The following LAMB1 variants were observed in gnomAD, a reference collection of about 807,000 sequenced individuals.
The protein encoded by LAMB1 is laminin subunit beta-1.
Under a neutral mutation model 222.3 loss-of-function variants are expected in LAMB1, and 121 were observed. The observed-to-expected ratio is 0.54, with a 90% CI of 0.47 to 0.63. The LOEUF is 0.63. Ranked by LOEUF, LAMB1 falls within the 30% of genes least tolerant of loss-of-function variation. The pLI is 0.00. For synonymous variants in LAMB1, 794 were observed against 807.2 expected (o/e 0.98, Z 0.28); for missense variants, 2,172 against 2,240.8 (o/e 0.97, Z 0.62).
Position 108,001,738 on chromosome 7 carries a change from G to C in LAMB1, c.38-5C>G. 6.2e-7 allele frequency: 1 copy of C among 1,612,346 alleles called. No homozygotes were observed. The highest frequency in any genetic ancestry group is 8.5e-7 in the Non-Finnish European group (1 of 1,179,602). ...GCACTCGGGCTCTGCACAGGGCTGC[G>C]GGAAGGACAGGCAACAGAGTTGGGG... On this transcript the variant is annotated splice_polypyrimidine_tract_variant and splice_region_variant and intron_variant, in intron 2 of 33. Coordinates refer to ENST00000222399, the MANE Select transcript of LAMB1 (RefSeq NM_002291.3).
At chr7:107,942,721 A>G (rs529430370) in intron 24 of LAMB1, 1 of 152,350 alleles carries the variant, frequency 6.6e-6, no homozygotes, top group South Asian at 2.1e-4. Flanking sequence ...CATTCAATAA[A>G]TAAATTGTTT....
chr7:107,961,619 T>C lies in LAMB1; in HGVS notation c.1915A>G (p.Thr639Ala), dbSNP rs200875581. The C allele has an allele frequency of 3.2e-5, 52 of 1,614,030 alleles. No homozygotes were observed. Among genetic ancestry groups the C allele is most frequent in the Non-Finnish European group, 3.9e-5 (46 of 1,179,994 alleles). Residue 639 changes from threonine (T) to alanine (A), a missense_variant, in exon 16 of 34, where the codon ACC (threonine) becomes GCC (alanine). By Grantham distance (58) the Thr-to-Ala change is moderately conservative. Coordinates refer to ENST00000222399, the MANE Select transcript of LAMB1 (RefSeq NM_002291.3). ...ITVQRPGRIP[T>A]SSRCGNTIPD... ...ATGGTATTACCACATCGGCTGCTGG[T>C]TGGAATCCTTCCAGGTCGCTGCACT... is the stretch of plus-strand genomic sequence containing the variant.
At chr7:107,997,716 GTGAAACTCATC>G (rs1199096091) in intron 4 of LAMB1, among the ~76,000 whole-genome samples, 2 of 152,136 alleles carry the variant, frequency 1.3e-5, no homozygotes, top group African/African-American at 4.8e-5. Context: ...TGAAACAAAT[GTGAAACTCATC>G]TGGGCTTCAT....
chr7:107,925,487 T>C (rs1016343983), intron 32 of LAMB1, among the ~76,000 whole-genome samples: 20 of 151,874 alleles, frequency 1.3e-4, no homozygotes, highest in African/African-American at 4.1e-4. Context: ...TCTGGAAAAA[T>C]TGTCTTCCAG....
Position 107,998,505 on chromosome 7 carries a change from T to C in LAMB1, c.214-13A>G, listed in dbSNP as rs1363656539. 5 of 1,612,040 alleles carry C rather than the reference T, an allele frequency of 3.1e-6. No homozygotes were observed. The highest frequency in any genetic ancestry group is 2.7e-5 in the African/African-American group (2 of 74,902). The stretch of plus-strand genomic sequence containing the variant: ...ATTTTTTGTCCTCCTACAAACAAAG[T>C]TGAGTTCATCAGTCTAGAAAGCAAT... On this transcript the variant is annotated splice_polypyrimidine_tract_variant and intron_variant, in intron 3 of 33. Coordinates refer to ENST00000222399, the MANE Select transcript of LAMB1 (RefSeq NM_002291.3).
At position 107,983,741 on chromosome 7, in the gene LAMB1, C is replaced by T. The variant is rs535527533; in HGVS notation, c.676+2281G>A. On this transcript the variant is annotated intron_variant, in intron 7 of 33. Transcript: ENST00000222399. ...CCATGTTGGTCAGGATGGTCTCAAA[C>T]TCCTGACCTCGTGATCCACCCGCCT... Among the ~76,000 whole-genome samples, 8 of 152,078 alleles carry T rather than the reference C, an allele frequency of 5.3e-5. No homozygotes were observed. In the South Asian group the frequency reaches 1.7e-3, roughly 32 times the overall value.
chr7:107,989,214 C>T (rs3893568), intron 5 of LAMB1, among the ~76,000 whole-genome samples: 18,853 of 152,110 alleles, frequency 0.12, 1,201 homozygotes, highest in Admixed American at 0.17. Flanking sequence ...GCAGAAAGAG[C>T]GCTGAAAAAT....
Position 107,959,757 on chromosome 7 carries a change from C to T in LAMB1, c.2392G>A (p.Val798Met), listed in dbSNP as rs376461562. The T allele has an allele frequency of 2.6e-5, 42 of 1,614,102 alleles. No homozygotes were observed. The highest frequency in any genetic ancestry group is 4.0e-5 in the African/African-American group (3 of 74,944). The change falls in exon 19 of 34, where the codon GTG becomes ATG. Residue 798 changes from valine (V) to methionine (M), a missense_variant. Physicochemically the swap from Val to Met is conservative, Grantham distance 21. Transcript: ENST00000222399. ...NGGQCQCRPN[V>M]VGRTCNRCAP... Reference sequence around the variant, plus strand: ...CATCTGTTGCAGGTTCTTCCAACCACGTTGGGCCGGCACTGGCACTGGCCT... The same window carrying T: ...CATCTGTTGCAGGTTCTTCCAACCATGTTGGGCCGGCACTGGCACTGGCCT...
Position 107,940,270 on chromosome 7 carries a change from T to C in LAMB1, c.3480A>G (p.Pro1160=), listed in dbSNP as rs139974144. ...ACCCTCGCGTGCACTTGTCACAGCG[T>C]GGACCCTCAACACCCTCAACGCAGA... ...QCVCVEGVEG[P]RCDKCTRGYS... Residue 1160 remains proline, a synonymous_variant, in exon 25 of 34, where the codon CCA becomes CCG. Transcript: ENST00000222399. The C allele has an allele frequency of 3.7e-6, 6 of 1,614,054 alleles. No individual in the cohort carries two copies. In the African/African-American group the frequency reaches 8.0e-5, roughly 22 times the overall value.
At chr7:107,998,569 G>A in intron 3 of LAMB1, 77 bp from the exon 4 acceptor site, 1 of 1,289,772 alleles carries the variant, frequency 7.8e-7, no homozygotes, top group Non-Finnish European at 1.1e-6. Context: ...ACCCCATGAA[G>A]CTCCTAATAC....
rs906425682 is a variant in LAMB1, at chr7:107,989,251, T to C, written c.424-2888A>G. ...GGCAAACAGGCAAAGGTTTTGACAC[T>C]AACCAACACAGTGATGCATTTTGGG... On this transcript the variant is annotated intron_variant, in intron 5 of 33. Transcript: ENST00000222399. 2.0e-5 allele frequency among the ~76,000 whole-genome samples: 3 copies of C among 152,208 alleles called. No individual in the cohort carries two copies. In the East Asian group the frequency reaches 5.8e-4, roughly 29 times the overall value.
chr7:108,002,390 G>A (rs1361549121), intron 2 of LAMB1: 10 of 1,316,080 alleles, frequency 7.6e-6, no homozygotes, highest in Non-Finnish European at 1.0e-5. Flanking sequence ...TGTTTCTGGT[G>A]CCATCCGGAG....
intron 8 of LAMB1, among the ~76,000 whole-genome samples, chr7:107,980,273 G>A (rs563016369): frequency 2.0e-5 from 3 of 151,876 alleles, no homozygotes; most frequent in Non-Finnish European, 4.4e-5. Flanking sequence ...GCATAACTGC[G>A]GTTTTTAATC....
chr7:107,964,405 C>T, intron 14 of LAMB1, 147 bp downstream of exon 14: 1 of 929,552 alleles, frequency 1.1e-6, no homozygotes, highest in Non-Finnish European at 1.7e-6. Flanking sequence ...TATGACTCTT[C>T]TCAGGAAGGC....
chr7:107,995,944 A>AG (rs2034273392), intron 4 of LAMB1, among the ~76,000 whole-genome samples: 1 of 151,390 alleles, frequency 6.6e-6, no homozygotes, highest in Non-Finnish European at 1.5e-5. Context: ...AAGTCAATTG[A>AG]GGGGGCGGGG....
Position 107,929,148 on chromosome 7 carries a change from T to C in LAMB1, c.4803A>G (p.Glu1601=), listed in dbSNP as rs751242705. The stretch of plus-strand genomic sequence containing the variant: ...CTGCTGCGACCTGGGCCTTTTCTGC[T>C]TCTTCCAGAGCTTCCTTTACCATAT... The part of the protein sequence containing the change: ...TADMVKEALE[E]AEKAQVAAEK... The change falls in exon 31 of 34, where the codon GAA becomes GAG. Residue 1601 remains glutamate, a synonymous_variant. Coordinates refer to ENST00000222399, the MANE Select transcript of LAMB1 (RefSeq NM_002291.3). The C allele has an allele frequency of 1.9e-6, 3 of 1,614,122 alleles. No homozygotes were observed. Among genetic ancestry groups the C allele is most frequent in the Non-Finnish European group, 2.5e-6 (3 of 1,180,010 alleles).
intron 14 of LAMB1, 98 bp from the exon 15 acceptor site, chr7:107,963,161 G>C: frequency 2.6e-6 from 3 of 1,170,462 alleles, no homozygotes; most frequent in Non-Finnish European, 3.6e-6. Context: ...GATTCAAAAA[G>C]GGTGGCTACC....
chr7:107,941,723 C>G (rs1301224256), intron 24 of LAMB1, among the ~76,000 whole-genome samples: 1 of 149,752 alleles, frequency 6.7e-6, no homozygotes, highest in African/African-American at 2.5e-5. Flanking sequence ...GGCGCGATCT[C>G]GGCTCACTGC....
At chr7:107,931,572 G>T in intron 28 of LAMB1, 72 bp from the exon 29 acceptor site, 1 of 1,373,484 alleles carries the variant, frequency 7.3e-7, no homozygotes, top group Non-Finnish European at 1.0e-6. Context: ...ATTGGAAATG[G>T]CTCAAAAATG....
Sources: allele counts gnomAD v4.1 joint callset (sites outside exome capture counted in the v4.1 genomes callset), GRCh38; gene constraint gnomAD v4.1.1; transcripts MANE v1.5; gene names NCBI Gene and HGNC (gene_info 2026-07-23, HGNC 2026-07-21).